Variants in USP32 observed in about 807,000 individuals in gnomAD.
USP32 encodes the protein ubiquitin carboxyl-terminal hydrolase 32.
A neutral mutation model predicts 204.8 loss-of-function variants in USP32; 59 were observed. That is an observed-to-expected ratio of 0.29 (90% CI 0.23 to 0.36). USP32 has a LOEUF of 0.36. Ranked by LOEUF, USP32 falls within the 10% of genes least tolerant of loss-of-function variation. USP32 has a pLI of 1.00. For synonymous variants in USP32, 517 were observed against 678.4 expected (o/e 0.76, Z 3.70); for missense variants, 1,160 against 1,946.4 (o/e 0.60, Z 7.60).
intron 12 of USP32, among the ~76,000 whole-genome samples, chr17:60,228,495 C>CTTT (rs796712684): frequency 5.2e-5 from 7 of 135,774 alleles, no homozygotes; most frequent in African/African-American, 1.9e-4. Context: ...TTTCTTTTTT[C>CTTT]TTTTTCTTTT....
chr17:60,204,438 C>T (rs887052340), intron 26 of USP32, among the ~76,000 whole-genome samples: 3 of 151,332 alleles, frequency 2.0e-5, no homozygotes, highest in Non-Finnish European at 4.4e-5. Flanking sequence ...TAAAGGGATC[C>T]TCCTAAACAT....
At chr17:60,344,194 T>A (rs2088727861) in intron 2 of USP32, among the ~76,000 whole-genome samples, 1 of 143,938 alleles carries the variant, frequency 6.9e-6, no homozygotes, top group Non-Finnish European at 1.5e-5. Flanking sequence ...AGTGGCACAG[T>A]CTCAACTCAC....
intron 4 of USP32, among the ~76,000 whole-genome samples, chr17:60,294,230 A>G (rs1437678004): frequency 6.6e-6 from 1 of 152,116 alleles, no homozygotes; most frequent in Non-Finnish European, 1.5e-5. Flanking sequence ...TTTTAACACA[A>G]ATATTTCACT....
chr17:60,387,492 C>G (rs561038283), intron 1 of USP32, among the ~76,000 whole-genome samples: 1 of 152,260 alleles, frequency 6.6e-6, no homozygotes, highest in Admixed American at 6.5e-5. Flanking sequence ...GCACTTTCTC[C>G]TATAGCACTG....
At chr17:60,370,213 T>G (rs2089410301) in intron 1 of USP32, among the ~76,000 whole-genome samples, 1 of 151,984 alleles carries the variant, frequency 6.6e-6, no homozygotes, top group South Asian at 2.1e-4. Flanking sequence ...AAAAAGAATT[T>G]TTTTAAATGT....
chr17:60,377,561 G>A (rs1354690272), intron 1 of USP32, among the ~76,000 whole-genome samples: 1 of 152,162 alleles, frequency 6.6e-6, no homozygotes, highest in Non-Finnish European at 1.5e-5. Context: ...ACTACCTGCT[G>A]TCGTCTGTGT....
At chr17:60,353,830 A>G (rs1277142822) in intron 1 of USP32, among the ~76,000 whole-genome samples, 1 of 152,228 alleles carries the variant, frequency 6.6e-6, no homozygotes, top group Non-Finnish European at 1.5e-5. Context: ...CATGAAAGGA[A>G]AATAAAATTA....
At chr17:60,343,369 G>T (rs534639232) in intron 2 of USP32, among the ~76,000 whole-genome samples, 5 of 152,012 alleles carry the variant, frequency 3.3e-5, no homozygotes, top group Non-Finnish European at 5.9e-5. Flanking sequence ...GCACCACATC[G>T]CATTTATTCT....
intron 5 of USP32, among the ~76,000 whole-genome samples, chr17:60,287,872 G>A (rs572851011): frequency 7.2e-5 from 11 of 152,144 alleles, no homozygotes; most frequent in African/African-American, 1.9e-4. Flanking sequence ...CCAGCACTTC[G>A]GGAGGCCGAG....
intron 15 of USP32, among the ~76,000 whole-genome samples, chr17:60,220,793 G>A (rs1398587392): frequency 4.6e-5 from 7 of 152,148 alleles, no homozygotes; most frequent in African/African-American, 7.2e-5. Flanking sequence ...ACAGGAGCCC[G>A]CCACCACGCC....
chr17:60,191,636 A>C (rs2084384627), intron 28 of USP32, among the ~76,000 whole-genome samples: 1 of 151,196 alleles, frequency 6.6e-6, no homozygotes, highest in Non-Finnish European at 1.5e-5. Flanking sequence ...CAGCCTTCCA[A>C]GTAGCTGGGA....
intron 5 of USP32, among the ~76,000 whole-genome samples, chr17:60,272,444 A>C (rs2086745280): frequency 6.6e-6 from 1 of 152,236 alleles, no homozygotes; most frequent in African/African-American, 2.4e-5. Flanking sequence ...AAGGAACTAA[A>C]GTAAAATTTA....
At chr17:60,198,130 G>A in intron 27 of USP32, 130 bp downstream of exon 27, 1 of 1,212,090 alleles carries the variant, frequency 8.3e-7, no homozygotes, top group Non-Finnish European at 1.1e-6. Context: ...TGAATTGTAT[G>A]CTGTCTGAGT....
rs1387135989 is a variant in USP32 at position 60,256,310 on chromosome 17, G to A, written c.991-1052C>T. Among the ~76,000 whole-genome samples the A allele has an allele frequency of 2.0e-5, 3 of 152,152 alleles. No homozygotes were observed. The South Asian group carries it at 6.2e-4, about 32-fold the overall frequency. On this transcript the variant is annotated intron_variant, in intron 9 of 33. Transcript: ENST00000300896. ...ACATTCAAAAAGTAGAAGGCAGGGA[G>A]AGGGGTAGGCAAATCACTAGATTAT...
intron 29 of USP32, among the ~76,000 whole-genome samples, chr17:60,189,882 C>G (rs1465117974): frequency 6.6e-6 from 1 of 152,114 alleles, no homozygotes. Context: ...ATGTCATGGC[C>G]AGACACAGTT....
intron 4 of USP32, among the ~76,000 whole-genome samples, chr17:60,294,118 C>T (rs1256773653): frequency 6.6e-6 from 1 of 152,146 alleles, no homozygotes; most frequent in Non-Finnish European, 1.5e-5. Flanking sequence ...ATTGTCCAGG[C>T]TGGTCTTGAA....
chr17:60,302,538 C>T (rs1017956633), intron 2 of USP32, among the ~76,000 whole-genome samples: 26 of 152,212 alleles, frequency 1.7e-4, no homozygotes, highest in African/African-American at 5.8e-4. Flanking sequence ...TCCCAACTTA[C>T]AATGGGTTTA....
rs759850539 is a variant in USP32 at position 60,247,187 on chromosome 17, CT to C, written c.1136+5193del. On this transcript the variant is annotated intron_variant, in intron 11 of 33. Coordinates refer to ENST00000300896, the MANE Select transcript of USP32 (RefSeq NM_032582.4). ...TAAGTCTTTGAATCCATTTTCTTTT[CT>C]TTTTTTTTTGAGGCGGAGTCTCCCT... Among the ~76,000 whole-genome samples, 1,229 of 148,864 alleles carry C rather than the reference CT, an allele frequency of 8.3e-3. 9 individuals are homozygous for C. The highest frequency in any genetic ancestry group is 0.054 in the East Asian group (276 of 5,112).
At chr17:60,412,251 C>T (rs906135141) in intron 1 of USP32, among the ~76,000 whole-genome samples, 1 of 152,098 alleles carries the variant, frequency 6.6e-6, no homozygotes, top group Admixed American at 6.6e-5. Context: ...TGCCTATAAT[C>T]CCAGCACTTT....
Sources: allele counts gnomAD v4.1 joint callset (sites outside exome capture counted in the v4.1 genomes callset), GRCh38; gene constraint gnomAD v4.1.1; transcripts MANE v1.5; gene names NCBI Gene and HGNC (gene_info 2026-07-23, HGNC 2026-07-21).